The following CDYL variants were observed in gnomAD, a reference collection of about 807,000 sequenced individuals.
The protein encoded by CDYL is chromodomain Y-like protein.
A neutral mutation model predicts 47.3 loss-of-function variants in CDYL; 8 were observed. The observed-to-expected ratio is 0.17, with a 90% confidence interval of 0.10 to 0.31. CDYL has a LOEUF of 0.31. Ranked by LOEUF, CDYL falls within the 10% of genes least tolerant of loss-of-function variation. The pLI is 1.00. For missense variants in CDYL, 471 were observed against 701.4 expected, an observed-to-expected ratio of 0.67 and a Z score of 3.71; for synonymous variants, 266 against 265.0, an observed-to-expected ratio of 1.00 and a Z score of -0.04.
intron 2 of CDYL, among the ~76,000 whole-genome samples, chr6:4,919,340 T>C (rs1757646068): frequency 6.6e-6 from 1 of 152,186 alleles, no homozygotes; most frequent in Non-Finnish European, 1.5e-5. Flanking sequence ...TGTGAAGGTA[T>C]TGTCTCTAAG....
intron 1 of CDYL, among the ~76,000 whole-genome samples, chr6:4,850,782 C>CTCTA (rs1216562749): frequency 6.6e-6 from 1 of 151,922 alleles, no homozygotes; most frequent in African/African-American, 2.4e-5. Flanking sequence ...TCATTTGGGC[C>CTCTA]AGTAGAATGG....
intron 1 of CDYL, among the ~76,000 whole-genome samples, chr6:4,854,199 C>T (rs1215873775): frequency 3.9e-5 from 6 of 152,156 alleles, no homozygotes; most frequent in Non-Finnish European, 8.8e-5. Flanking sequence ...GAGACCTGTG[C>T]GAGCACACCA....
intron 1 of CDYL, among the ~76,000 whole-genome samples, chr6:4,848,232 A>T (rs1488340191): frequency 6.6e-6 from 1 of 152,168 alleles, no homozygotes; most frequent in African/African-American, 2.4e-5. Context: ...ACAGTGTCTG[A>T]TAATTAGTAG....
At chr6:4,772,810 A>G (rs1197112585), upstream of CDYL, among the ~76,000 whole-genome samples, 1 of 152,222 alleles carries the variant, frequency 6.6e-6, no homozygotes, top group Non-Finnish European at 1.5e-5. Context: ...AATCATTATC[A>G]GTAGCTTTTC....
At chr6:4,951,303 A>G (rs1201221767) in intron 5 of CDYL, among the ~76,000 whole-genome samples, 1 of 152,110 alleles carries the variant, frequency 6.6e-6, no homozygotes, top group African/African-American at 2.4e-5. Flanking sequence ...CGACAGACCA[A>G]AAATTGTCCC....
intron 1 of CDYL, among the ~76,000 whole-genome samples, chr6:4,808,108 T>C: frequency 6.6e-6 from 1 of 152,294 alleles, no homozygotes; most frequent in African/African-American, 2.4e-5. Flanking sequence ...TTTTCTTTGC[T>C]CCAGCTCTGG....
intron 1 of CDYL, among the ~76,000 whole-genome samples, chr6:4,880,009 C>T (rs1761721799): frequency 6.6e-6 from 1 of 152,208 alleles, no homozygotes; most frequent in Non-Finnish European, 1.5e-5. Flanking sequence ...CAGAGTGATA[C>T]AGCTGTTACA....
At chr6:4,709,386 C>T (rs577658561) in intron 1 of CDYL, among the ~76,000 whole-genome samples, 10 of 152,264 alleles carry the variant, frequency 6.6e-5, no homozygotes, top group African/African-American at 2.4e-4. Context: ...TTAGTAGAGA[C>T]GGGATTTCAT....
At position 4,878,680 on chromosome 6, in the gene CDYL, T is replaced by G. The variant is rs9504278; in HGVS notation, c.25-13033T>G. On this transcript the variant is annotated intron_variant, in intron 1 of 6. Coordinates refer to ENST00000397588, the MANE Select transcript of CDYL (RefSeq NM_004824.4). ...GTGTGTGTTTTATTTCCAGACTGTT[T>G]TGACTTAGGGCTATATCAATTTAAA... Among the ~76,000 whole-genome samples, 649 of 152,236 alleles carry G rather than the reference T, an allele frequency of 4.3e-3. 3 individuals are homozygous for G. Among genetic ancestry groups the G allele is most frequent in the African/African-American group, 0.015 (605 of 41,578 alleles).
chr6:4,896,945 A>G (rs535233623), intron 2 of CDYL, among the ~76,000 whole-genome samples: 9 of 151,904 alleles, frequency 5.9e-5, no homozygotes, highest in African/African-American at 1.9e-4. Context: ...TAGAATAACC[A>G]TATATGTGTT....
intron 1 of CDYL, among the ~76,000 whole-genome samples, chr6:4,784,038 T>C (rs749822454): frequency 2.6e-5 from 4 of 152,190 alleles, no homozygotes; most frequent in Non-Finnish European, 5.9e-5. Context: ...TCCTTGTTTG[T>C]GTTTTGTTTT....
At chr6:4,734,937 C>T (rs1161404821) in intron 3 of CDYL, 9 of 1,549,894 alleles carry the variant, frequency 5.8e-6, no homozygotes, top group Non-Finnish European at 7.8e-6. Context: ...TCTCCCTTTA[C>T]ATCTGTCCTG....
intron 3 of CDYL, among the ~76,000 whole-genome samples, chr6:4,765,091 G>C (rs933638817): frequency 6.6e-6 from 1 of 152,110 alleles, no homozygotes; most frequent in South Asian, 2.1e-4. Context: ...GGGAGGTCAA[G>C]GTGGGTGGAT....
chr6:4,717,875 C>T (rs1173085399), intron 2 of CDYL, among the ~76,000 whole-genome samples: 1 of 149,292 alleles, frequency 6.7e-6, no homozygotes, highest in East Asian at 2.0e-4. Context: ...GAGACAGGGT[C>T]TCACTCTATC....
chr6:4,725,070 C>T (rs1282045606), intron 2 of CDYL, among the ~76,000 whole-genome samples: 2 of 152,120 alleles, frequency 1.3e-5, no homozygotes, highest in Non-Finnish European at 2.9e-5. Flanking sequence ...CACATCCCCG[C>T]TAGATTAGCT....
rs532380814 is a variant in CDYL, at chr6:4,746,092, G to A, written c.186+11248G>A. Among the ~76,000 whole-genome samples, 14 of 152,138 alleles carry A rather than the reference G, an allele frequency of 9.2e-5. 1 individual carries two copies. The South Asian group carries it at 1.2e-3, about 14-fold the overall frequency. ...GAAGGTTCATTCTAGCTGGCTGGGC[G>A]CGGTGGCTCACCCCTGTAATCCCAG... On this transcript the variant is annotated intron_variant, in intron 3 of 8. Transcript: ENST00000328908.
intron 3 of CDYL, among the ~76,000 whole-genome samples, chr6:4,764,278 G>T (rs1287407871): frequency 2.6e-5 from 4 of 151,678 alleles, no homozygotes; most frequent in Admixed American, 2.6e-4. Flanking sequence ...TTGGTTGTAG[G>T]TTTTTTTTCA....
At chr6:4,947,406 G>C (rs1454531081) in intron 5 of CDYL, among the ~76,000 whole-genome samples, 1 of 152,196 alleles carries the variant, frequency 6.6e-6, no homozygotes, top group Non-Finnish European at 1.5e-5. Context: ...TCCAGTGGCT[G>C]ATTAACCTGG....
rs1561697512 is a variant in CDYL, at chr6:4,900,793, A to ATATATG, written c.691+8419_691+8420insGTATAT. On this transcript the variant is annotated intron_variant, in intron 2 of 6. Transcript: ENST00000397588. ...CGTATACGTGTGTATATATATATAT[A>ATATATG]TATATATATATATATATATATATAT... is the stretch of plus-strand genomic sequence containing the variant. Among the ~76,000 whole-genome samples the ATATATG allele has an allele frequency of 7.4e-5, 4 of 53,746 alleles. No homozygotes were observed. In the East Asian group the frequency reaches 1.9e-3, roughly 25 times the overall value. The allele number at this position is 53,746 out of a possible 152,430, so 35.3% of individuals were successfully genotyped here.
Sources: allele counts gnomAD v4.1 joint callset (sites outside exome capture counted in the v4.1 genomes callset), GRCh38; gene constraint gnomAD v4.1.1; transcripts MANE v1.5; gene names NCBI Gene and HGNC (gene_info 2026-07-23, HGNC 2026-07-21).